Variants in AK5 observed in about 807,000 individuals in gnomAD.
AK5 encodes adenylate kinase isoenzyme 5.
In AK5, 27 loss-of-function variants were observed where a neutral mutation model predicts 69.5. That is an observed-to-expected ratio of 0.39 (90% confidence interval 0.29 to 0.54). The LOEUF is 0.54. AK5 is among the 20% of genes least tolerant of loss of function. AK5 has a pLI of 0.71. For missense variants in AK5, 531 were observed against 700.4 expected, an observed-to-expected ratio of 0.76 and a Z score of 2.73; for synonymous variants, 260 against 244.4, an observed-to-expected ratio of 1.06 and a Z score of -0.60.
chr1:77,516,161 C>T (rs1657629960), intron 10 of AK5, among the ~76,000 whole-genome samples: 1 of 152,148 alleles, frequency 6.6e-6, no homozygotes, highest in South Asian at 2.1e-4. Flanking sequence ...AGAAATCCTG[C>T]CATTTGTGAC....
intron 8 of AK5, among the ~76,000 whole-genome samples, chr1:77,423,215 C>A (rs1255570233): frequency 5.8e-5 from 5 of 85,908 alleles, no homozygotes; most frequent in South Asian, 8.5e-4. Flanking sequence ...AGCAAGACTC[C>A]GTCTAAAAAA....
In AK5 at chr1:77,486,340, A is replaced by G. The variant is rs996940001; in HGVS notation, c.1135A>G (p.Ile379Val). ...GGAAGATTTGAGAAAGTGTAAAATT[A>G]TTTTCATAATTGGTGAGTAACAGCC... is the stretch of plus-strand genomic sequence containing the variant. ...FMEDLRKCKI[I>V]FIIGGPGSGK... is the part of the protein sequence containing the mutation. The change falls in exon 10 of 14, where the codon ATT (isoleucine) becomes GTT (valine). Residue 379 changes from isoleucine (I) to valine (V), a missense_variant. Coordinates refer to ENST00000354567, the MANE Select transcript of AK5 (RefSeq NM_174858.3). 6.3e-7 allele frequency: 1 copy of G among 1,579,318 alleles called. No homozygotes were observed. The highest frequency in any genetic ancestry group is 1.7e-5 in the Admixed American group (1 of 59,204).
intron 8 of AK5, among the ~76,000 whole-genome samples, chr1:77,438,025 A>G (rs1157939974): frequency 2.0e-5 from 3 of 152,048 alleles, no homozygotes; most frequent in Non-Finnish European, 4.4e-5. Flanking sequence ...CTAAATTAAC[A>G]TTTCCAAAAG....
intron 6 of AK5, among the ~76,000 whole-genome samples, chr1:77,365,614 A>C (rs1004437506): frequency 2.0e-5 from 3 of 152,232 alleles, no homozygotes; most frequent in Admixed American, 6.5e-5. Flanking sequence ...CATAAGAAGC[A>C]CACAACCTAG....
intron 8 of AK5, among the ~76,000 whole-genome samples, chr1:77,466,676 A>G (rs1310534649): frequency 6.6e-6 from 1 of 152,226 alleles, no homozygotes; most frequent in Non-Finnish European, 1.5e-5. Context: ...ACCAAGATCA[A>G]GGTGCCAGCA....
intron 7 of AK5, among the ~76,000 whole-genome samples, chr1:77,412,349 A>G (rs17100538): frequency 0.014 from 2,071 of 152,214 alleles, 61 homozygotes; most frequent in African/African-American, 0.047. Context: ...CTGAGCCTTA[A>G]CAGCAGTTTC....
At chr1:77,527,194 T>C (rs1004419721) in intron 12 of AK5, among the ~76,000 whole-genome samples, 5 of 152,244 alleles carry the variant, frequency 3.3e-5, no homozygotes, top group Non-Finnish European at 7.3e-5. Flanking sequence ...TATAAAAGTT[T>C]ATAAAATATT....
At chr1:77,422,598 C>T (rs1179442239) in intron 8 of AK5, among the ~76,000 whole-genome samples, 1 of 152,086 alleles carries the variant, frequency 6.6e-6, no homozygotes. Context: ...TCCCGTGTGA[C>T]CTCTACTCAT....
chr1:77,538,949 C>T (rs1399832486), intron 13 of AK5, among the ~76,000 whole-genome samples: 1 of 152,172 alleles, frequency 6.6e-6, no homozygotes, highest in Non-Finnish European at 1.5e-5. Context: ...GGCTTTTATT[C>T]ATGATTCTAG....
intron 8 of AK5, among the ~76,000 whole-genome samples, chr1:77,422,578 A>G (rs1431649635): frequency 1.3e-5 from 2 of 151,654 alleles, no homozygotes; most frequent in African/African-American, 2.4e-5. Context: ...CCTCAACCCT[A>G]TTGCTTCTGT....
At chr1:77,286,877 TTAAAG>T in intron 1 of AK5, 59 bp from the exon 2 acceptor site, 6 of 1,014,254 alleles carry the variant, frequency 5.9e-6, no homozygotes, top group Non-Finnish European at 7.8e-6. Context: ...TTAAATTAAA[TTAAAG>T]AAAAAACAAA....
chr1:77,401,872 G>A (rs1056130576), intron 6 of AK5, among the ~76,000 whole-genome samples: 24 of 152,120 alleles, frequency 1.6e-4, no homozygotes, highest in African/African-American at 5.8e-4. Flanking sequence ...AACATGTGTT[G>A]TGAATGAACT....
chr1:77,469,366 G>T (rs1654327677), intron 8 of AK5, among the ~76,000 whole-genome samples: 1 of 152,196 alleles, frequency 6.6e-6, no homozygotes, highest in African/African-American at 2.4e-5. Flanking sequence ...GATAACCTGG[G>T]TGAGCTTCAT....
At chr1:77,346,940 C>T (rs1661948094) in intron 6 of AK5, among the ~76,000 whole-genome samples, 1 of 152,142 alleles carries the variant, frequency 6.6e-6, no homozygotes, top group Non-Finnish European at 1.5e-5. Context: ...TACAGCGTCT[C>T]AATAGGTAAG....
chr1:77,376,433 C>CAAAAA (rs757594684), intron 6 of AK5, among the ~76,000 whole-genome samples: 432 of 13,324 alleles, frequency 0.032, 29 homozygotes, highest in South Asian at 0.044. Context: ...CACTCAATGC[C>CAAAAA]AAAAAAAAAA....
chr1:77,344,219 A>G (rs1391558739), intron 6 of AK5, among the ~76,000 whole-genome samples: 1 of 152,256 alleles, frequency 6.6e-6, no homozygotes, highest in East Asian at 1.9e-4. Flanking sequence ...TCTTACTGAC[A>G]TAGTTTCCAT....
chr1:77,530,772 C>A (rs976637822), intron 12 of AK5, among the ~76,000 whole-genome samples: 5 of 152,060 alleles, frequency 3.3e-5, no homozygotes, highest in Non-Finnish European at 7.4e-5. Flanking sequence ...TTATTCTCAA[C>A]AAAGAGTTCC....
chr1:77,330,839 A>G (rs1367538483), intron 5 of AK5, among the ~76,000 whole-genome samples: 1 of 152,224 alleles, frequency 6.6e-6, no homozygotes, highest in Non-Finnish European at 1.5e-5. Flanking sequence ...TGTTCCATCC[A>G]TGAATATGGC....
At chr1:77,482,264 G>A (rs1354005137) in intron 8 of AK5, among the ~76,000 whole-genome samples, 1 of 152,140 alleles carries the variant, frequency 6.6e-6, no homozygotes, top group Non-Finnish European at 1.5e-5. Flanking sequence ...TGAAGACATA[G>A]GTGAGAGTGA....
Sources: allele counts gnomAD v4.1 joint callset (sites outside exome capture counted in the v4.1 genomes callset), GRCh38; gene constraint gnomAD v4.1.1; transcripts MANE v1.5; gene names NCBI Gene and HGNC (gene_info 2026-07-23, HGNC 2026-07-21).